RNF24: variants seen among roughly 807,000 people sequenced by gnomAD.
RNF24 encodes the protein ring finger protein 24.
Under a neutral mutation model 20.0 loss-of-function variants are expected in RNF24, and 14 were observed. The observed-to-expected ratio is 0.70, with a 90% confidence interval of 0.46 to 1.10. The LOEUF (loss-of-function observed/expected upper bound fraction) is 1.10, where lower values mean the gene tolerates loss of function less well. Among genes scored for constraint, RNF24 ranks in the 50% least tolerant of loss-of-function variants. The pLI is 0.00. For missense variants in RNF24, 124 were observed against 177.6 expected, an observed-to-expected ratio of 0.70 and a Z score of 1.71; for synonymous variants, 45 against 61.1, an observed-to-expected ratio of 0.74 and a Z score of 1.23.
At chr20:3,944,074 G>GCAGATAGA (rs1266833929) in intron 4 of RNF24, among the ~76,000 whole-genome samples, 1 of 152,070 alleles carries the variant, frequency 6.6e-6, no homozygotes, top group Non-Finnish European at 1.5e-5. Context: ...GCTGGGTGTG[G>GCAGATAGA]TGGCGCATGC....
Position 3,932,237 on chromosome 20 carries a change from T to C in RNF24, c.*1826A>G, listed in dbSNP as rs1246214803. 1 of 152,206 alleles carries C rather than the reference T, an allele frequency of 6.6e-6. No homozygotes were observed. Among genetic ancestry groups the C allele is most frequent in the Non-Finnish European group, 1.5e-5 (1 of 68,026 alleles). 9.4% of individuals were successfully genotyped at this position (152,206 alleles called of 1,614,324 possible). ...ACTATAAACGGGGTGTTTTGTGGCATTCAACTCTGTTGTGCTACAAATAGA... is the reference window on the plus strand; with the variant it reads ...ACTATAAACGGGGTGTTTTGTGGCACTCAACTCTGTTGTGCTACAAATAGA... On this transcript the variant is annotated 3_prime_UTR_variant, in exon 6 of 6. Transcript: ENST00000358395.
At chr20:3,978,883 A>G (rs952935784) in intron 1 of RNF24, among the ~76,000 whole-genome samples, 1 of 152,066 alleles carries the variant, frequency 6.6e-6, no homozygotes, top group Non-Finnish European at 1.5e-5. Flanking sequence ...AGGTGGGTGG[A>G]TCACCTGAGG....
At chr20:3,945,270 A>G (rs1443705806) in intron 3 of RNF24, 52 bp from the exon 4 acceptor site, 2 of 1,496,152 alleles carry the variant, frequency 1.3e-6, no homozygotes, top group African/African-American at 1.4e-5. Context: ...GTAACTTTAA[A>G]TATTTCTCAT....
intron 1 of RNF24, among the ~76,000 whole-genome samples, chr20:3,984,542 T>A (rs573253023): frequency 6.6e-6 from 1 of 152,336 alleles, no homozygotes; most frequent in South Asian, 2.1e-4. Context: ...AAGGTCTCCC[T>A]CTGTATTCCC....
chr20:3,984,022 G>A (rs1979668040), intron 1 of RNF24, among the ~76,000 whole-genome samples: 1 of 151,338 alleles, frequency 6.6e-6, no homozygotes, highest in Admixed American at 6.6e-5. Flanking sequence ...GCTTTGGGAG[G>A]CTAGGGTAGG....
chr20:3,942,420 C>A (rs1460818899), intron 4 of RNF24, among the ~76,000 whole-genome samples: 1 of 151,814 alleles, frequency 6.6e-6, no homozygotes, highest in Non-Finnish European at 1.5e-5. Context: ...CCTCCCACCT[C>A]AGCCTCCCAA....
intron 4 of RNF24, among the ~76,000 whole-genome samples, chr20:3,943,475 T>C (rs2090981485): frequency 6.6e-6 from 1 of 152,112 alleles, no homozygotes; most frequent in South Asian, 2.1e-4. Context: ...GTGGTACTGA[T>C]GAAGAAACAG....
intron 1 of RNF24, among the ~76,000 whole-genome samples, chr20:3,975,645 T>C (rs950389332): frequency 6.6e-6 from 1 of 152,196 alleles, no homozygotes; most frequent in Non-Finnish European, 1.5e-5. Context: ...AAAATAGGTT[T>C]GTTGAAGATG....
chr20:4,001,958 CA>C (rs1037218372), intron 1 of RNF24, among the ~76,000 whole-genome samples: 2 of 148,866 alleles, frequency 1.3e-5, no homozygotes, highest in African/African-American at 2.5e-5. Context: ...AAAAAACAAA[CA>C]AAAAAAAACA....
chr20:3,977,636 C>A (rs1018395542), intron 1 of RNF24, among the ~76,000 whole-genome samples: 1 of 151,966 alleles, frequency 6.6e-6, no homozygotes. Flanking sequence ...GAGGCCGAGG[C>A]GGGCGGATCA....
In RNF24 at chr20:3,930,025, A is replaced by AAATT. The variant is rs2090798741; in HGVS notation, c.*4034_*4037dup. 3 of 152,226 alleles carry AAATT rather than the reference A, an allele frequency of 2.0e-5. No homozygotes were observed. Among genetic ancestry groups the AAATT allele is most frequent in the African/African-American group, 7.2e-5 (3 of 41,452 alleles). 9.4% of individuals were successfully genotyped at this position (152,226 alleles called of 1,614,324 possible). On this transcript the variant is annotated 3_prime_UTR_variant, in exon 6 of 6. Transcript: ENST00000358395. ...GTATCACATGAGTAGAAAAGGAGAAAAATTATATAGACACACATACACATG... is the reference window on the plus strand; with the variant it reads ...GTATCACATGAGTAGAAAAGGAGAAAAATTAATTATATAGACACACATACACATG...
chr20:4,000,005 G>C (rs1490989798), intron 1 of RNF24, among the ~76,000 whole-genome samples: 1 of 152,140 alleles, frequency 6.6e-6, no homozygotes, highest in Non-Finnish European at 1.5e-5. Context: ...CAAGGGAAGG[G>C]GGAGGAGCGG....
intron 1 of RNF24, among the ~76,000 whole-genome samples, chr20:3,967,970 CAACAAAAAAAAAAA>C (rs1430745001): frequency 3.5e-5 from 1 of 28,212 alleles, no homozygotes; most frequent in Non-Finnish European, 6.9e-5. Context: ...TCCAGCCTGG[CAACAAAAAAAAAAA>C]AAAAAAAAAA....
At chr20:3,963,668 A>C (rs562349244) in intron 2 of RNF24, among the ~76,000 whole-genome samples, 1 of 152,362 alleles carries the variant, frequency 6.6e-6, no homozygotes, top group East Asian at 1.9e-4. Flanking sequence ...TCTCCTACAG[A>C]GTAAAACACT....
chr20:3,981,015 TGTAA>T (rs1228065159), intron 1 of RNF24, among the ~76,000 whole-genome samples: 7 of 151,722 alleles, frequency 4.6e-5, no homozygotes, highest in African/African-American at 1.7e-4. Context: ...TGGGTTACAG[TGTAA>T]GTGTGCCTGG....
At chr20:4,011,742 C>T (rs377602886) in intron 1 of RNF24, among the ~76,000 whole-genome samples, 4 of 152,188 alleles carry the variant, frequency 2.6e-5, no homozygotes, top group South Asian at 2.1e-4. Context: ...TAGCACCCTA[C>T]GTGGCTCAAC....
intron 1 of RNF24, among the ~76,000 whole-genome samples, chr20:3,972,822 G>C (rs1434005811): frequency 6.6e-6 from 1 of 152,062 alleles, no homozygotes; most frequent in Non-Finnish European, 1.5e-5. Flanking sequence ...AGGATCGCTT[G>C]AATCCTGGCG....
At position 3,935,042 on chromosome 20, in the gene RNF24, G is replaced by C; in HGVS notation, c.260C>G (p.Pro87Arg). ...TGGGCAAATCCCCAACTCATCTCGA[G>C]GCTTGAAGTCTTCTAGGCACACTGC... ...LCAVCLEDFK[P>R]RDELGICPCK... The change falls in exon 5 of 6, where the codon CCT (proline) becomes CGT (arginine). Residue 87 changes from proline (P) to arginine (R), a missense_variant. Transcript: ENST00000358395. 6.2e-7 allele frequency: 1 copy of C among 1,613,962 alleles called. No homozygotes were observed. Among genetic ancestry groups the C allele is most frequent in the Non-Finnish European group, 8.5e-7 (1 of 1,179,948 alleles).
rs1015179099 is a variant in RNF24, at chr20:4,013,018, T to C, written c.-8+2419A>G. ...GTTAGTAAAGCTCTTGTTTTTTTTT[T>C]TCTGCTTCATTTTTCCTTCATAAAA... On this transcript the variant is annotated intron_variant, in intron 1 of 5. Coordinates refer to ENST00000358395, the MANE Select transcript of RNF24 (RefSeq NM_001134337.3). Among the ~76,000 whole-genome samples, 302 of 152,218 alleles carry C rather than the reference T, an allele frequency of 2.0e-3. 1 individual carries two copies. Among genetic ancestry groups the C allele is most frequent in the African/African-American group, 6.9e-3 (286 of 41,476 alleles).
Sources: gnomAD v4.1 joint callset for allele counts (sites outside exome capture counted in the v4.1 genomes callset) on GRCh38, gnomAD v4.1.1 for gene constraint, MANE v1.5 for transcripts, NCBI Gene and HGNC (gene_info 2026-07-23, HGNC 2026-07-21) for gene names.